The following IQGAP2 variants were observed in gnomAD, a reference collection of about 807,000 sequenced individuals.
IQGAP2 encodes IQ motif containing GTPase activating protein 2.
IQGAP2 carries 173 observed loss-of-function variants against 201.3 expected under a neutral mutation model. That is an observed-to-expected ratio of 0.86 (90% confidence interval 0.76 to 0.98). The LOEUF is 0.98. IQGAP2 is among the 50% of genes least tolerant of loss of function. IQGAP2 has a pLI of 0.00. For missense variants in IQGAP2, 1,687 were observed against 1,864.8 expected (o/e 0.90, Z 1.76); for synonymous variants, 675 against 673.9 (o/e 1.00, Z -0.03).
intron 18 of IQGAP2, 72 bp downstream of exon 18, chr5:76,652,905 G>A (rs1210945027): frequency 1.0e-6 from 1 of 1,001,118 alleles, no homozygotes; most frequent in African/African-American, 1.6e-5. Context: ...TAATCTGAAA[G>A]ACAGCTATAG....
In IQGAP2 at chr5:76,643,620, A is replaced by T. The variant is rs546526762; in HGVS notation, c.2094+2517A>T. Among the ~76,000 whole-genome samples, 166 of 152,300 alleles carry T rather than the reference A, an allele frequency of 1.1e-3. 1 individual carries two copies. The Middle Eastern group carries it at 0.014, about 12-fold the overall frequency. ...AAACATCAGAAAAAAATGAAATAGGATTAGAGTAGGTAACTACAGGAGGAA... is the reference window on the plus strand; with the variant it reads ...AAACATCAGAAAAAAATGAAATAGGTTTAGAGTAGGTAACTACAGGAGGAA... On this transcript the variant is annotated intron_variant, in intron 17 of 35. Transcript: ENST00000274364.
At chr5:76,648,053 C>T (rs988610792) in intron 17 of IQGAP2, among the ~76,000 whole-genome samples, 5 of 152,052 alleles carry the variant, frequency 3.3e-5, no homozygotes, top group Admixed American at 1.3e-4. Context: ...ACCTTCACAC[C>T]ATCCAGTTGT....
chr5:76,568,217 C>G (rs1429278808), intron 3 of IQGAP2, among the ~76,000 whole-genome samples: 1 of 152,212 alleles, frequency 6.6e-6, no homozygotes, highest in Non-Finnish European at 1.5e-5. Context: ...GATTTGAAAT[C>G]TGTCATTTCA....
intron 2 of IQGAP2, among the ~76,000 whole-genome samples, chr5:76,472,378 G>A (rs957751068): frequency 1.2e-4 from 18 of 152,234 alleles, no homozygotes; most frequent in African/African-American, 4.1e-4. Context: ...CCTCAGAGAG[G>A]TGTTGGTGCT....
chr5:76,471,817 A>G (rs1755129421), intron 2 of IQGAP2, among the ~76,000 whole-genome samples: 1 of 152,250 alleles, frequency 6.6e-6, no homozygotes, highest in Non-Finnish European at 1.5e-5. Flanking sequence ...ACCCATGGAT[A>G]AGCAATGCTA....
At chr5:76,411,302 G>C (rs1751103176) in intron 1 of IQGAP2, among the ~76,000 whole-genome samples, 1 of 152,222 alleles carries the variant, frequency 6.6e-6, no homozygotes, top group Admixed American at 6.5e-5. Flanking sequence ...TTGGATGTTT[G>C]ATTTGTAAAC....
In IQGAP2 at chr5:76,556,014, C is replaced by T. The variant is rs377038325; in HGVS notation, c.147-6382C>T. ...GTATATACCCTGGGGTTTGTTGTCG[C>T]CTGCCAGGAAAATTTAGGACACATA... is the stretch of plus-strand genomic sequence containing the variant. On this transcript the variant is annotated intron_variant, in intron 2 of 35. Transcript: ENST00000274364. 2.3e-3 allele frequency among the ~76,000 whole-genome samples: 348 copies of T among 152,204 alleles called. 2 individuals are homozygous for T. Among genetic ancestry groups the T allele is most frequent in the African/African-American group, 8.1e-3 (338 of 41,512 alleles).
At chr5:76,435,051 TTTTTTTTTC>T (rs1040157345) in intron 1 of IQGAP2, among the ~76,000 whole-genome samples, 6 of 146,474 alleles carry the variant, frequency 4.1e-5, no homozygotes, top group African/African-American at 1.4e-4. Flanking sequence ...ATGGGATTCT[TTTTTTTTTC>T]TTTTTTTTTG....
intron 2 of IQGAP2, among the ~76,000 whole-genome samples, chr5:76,468,398 AAG>A (rs1314019750): frequency 2.6e-5 from 4 of 152,180 alleles, no homozygotes; most frequent in Non-Finnish European, 5.9e-5. Context: ...CTTTTTACTC[AAG>A]AGTTTAAAGT....
chr5:76,564,735 G>T (rs940583209), intron 3 of IQGAP2, among the ~76,000 whole-genome samples: 1 of 152,208 alleles, frequency 6.6e-6, no homozygotes, highest in South Asian at 2.1e-4. Flanking sequence ...GCGTAGGCAG[G>T]TGATGACATA....
intron 3 of IQGAP2, among the ~76,000 whole-genome samples, chr5:76,565,524 C>G (rs1208719753): frequency 6.6e-6 from 1 of 152,026 alleles, no homozygotes; most frequent in Admixed American, 6.5e-5. Flanking sequence ...CTCCGCCCTC[C>G]ACACCAGGTC....
chr5:76,705,890 A>C (rs940460346), intron 35 of IQGAP2, among the ~76,000 whole-genome samples: 1 of 152,254 alleles, frequency 6.6e-6, no homozygotes, highest in African/African-American at 2.4e-5. Context: ...CTATGTTACT[A>C]TGAAATGTTA....
At chr5:76,701,025 G>C in intron 33 of IQGAP2, 51 bp from the exon 34 acceptor site, 2 of 1,596,822 alleles carry the variant, frequency 1.3e-6, no homozygotes, top group Non-Finnish European at 1.7e-6. Flanking sequence ...ACTACCAGAA[G>C]CCTCTGCATT....
intron 1 of IQGAP2, chr5:76,441,546 A>G (rs1040663691): frequency 1.0e-6 from 1 of 983,104 alleles, no homozygotes; most frequent in Non-Finnish European, 1.2e-6. Flanking sequence ...TAATAATGCT[A>G]CTTCTTATAA....
At position 76,654,267 on chromosome 5, in the gene IQGAP2, A is replaced by T; in HGVS notation, c.2246A>T (p.Asp749Val). The change falls in exon 19 of 36, where the codon GAT becomes GTT. Residue 749 changes from aspartate (D) to valine (V), a missense_variant. Transcript: ENST00000274364. ...CTTTCAAGACTACAGTATTTCAGAG[A>T]TCATGTAAGAAAAATGCCTGTGGGA... ...SYLSRLQYFR[D>V]HNNEIVKIQS... 1 of 1,602,254 alleles carries T rather than the reference A, an allele frequency of 6.2e-7. No individual in the cohort carries two copies. The highest frequency in any genetic ancestry group is 8.5e-7 in the Non-Finnish European group (1 of 1,172,350).
At chr5:76,517,417 C>T (rs748066523) in intron 2 of IQGAP2, among the ~76,000 whole-genome samples, 3 of 151,910 alleles carry the variant, frequency 2.0e-5, no homozygotes, top group African/African-American at 4.8e-5. Flanking sequence ...ATAACAGTAA[C>T]GTGTTTACCT....
chr5:76,536,914 A>G lies in IQGAP2; in HGVS notation c.147-25482A>G, dbSNP rs138425729. On this transcript the variant is annotated intron_variant, in intron 2 of 35. Transcript: ENST00000274364. The stretch of plus-strand genomic sequence containing the variant: ...AGTTCCTTAACTCTGAAAATTGAAG[A>G]CATAAATATATAGAATTTTCCCTTC... 6.3e-3 allele frequency among the ~76,000 whole-genome samples: 956 copies of G among 152,350 alleles called. 9 individuals carry two copies. The highest frequency in any genetic ancestry group is 0.022 in the African/African-American group (911 of 41,570).
At chr5:76,620,032 G>T (rs1355700048) in intron 13 of IQGAP2, among the ~76,000 whole-genome samples, 6 of 152,088 alleles carry the variant, frequency 3.9e-5, no homozygotes, top group African/African-American at 1.4e-4. Flanking sequence ...TTCTCTCCTA[G>T]AGCCTCGAGA....
At position 76,439,997 on chromosome 5, in the gene IQGAP2, T is replaced by G. The variant is rs1198760767; in HGVS notation, c.47-21573T>G. On this transcript the variant is annotated intron_variant, in intron 1 of 35. Coordinates refer to ENST00000274364, the MANE Select transcript of IQGAP2 (RefSeq NM_006633.5). ...TTTATTCTGCTGCATATTGAATTTT[T>G]GTTTCAAGATTTATAACTCCTTTTA... 2.6e-5 allele frequency among the ~76,000 whole-genome samples: 4 copies of G among 152,364 alleles called. No individual in the cohort carries two copies. The East Asian group carries it at 7.7e-4, about 29-fold the overall frequency.
Sources: gnomAD v4.1 joint callset for allele counts (sites outside exome capture counted in the v4.1 genomes callset) on GRCh38, gnomAD v4.1.1 for gene constraint, MANE v1.5 for transcripts, NCBI Gene and HGNC (gene_info 2026-07-23, HGNC 2026-07-21) for gene names.